SP4: variants seen among roughly 807,000 people sequenced by gnomAD.
The protein encoded by SP4 is transcription factor Sp4.
A neutral mutation model predicts 72.8 loss-of-function variants in SP4; 19 were observed. That is an observed-to-expected ratio of 0.26 (90% CI 0.18 to 0.38). The LOEUF is 0.38. Among genes scored for constraint, SP4 ranks in the 10% least tolerant of loss-of-function variants. The pLI is 1.00. For synonymous variants in SP4, 395 were observed against 333.1 expected, an observed-to-expected ratio of 1.19 and a Z score of -2.02; for missense variants, 1,008 against 926.3, an observed-to-expected ratio of 1.09 and a Z score of -1.14.
chr7:21,495,049 C>T (rs979615469), intron 5 of SP4, among the ~76,000 whole-genome samples: 2 of 152,148 alleles, frequency 1.3e-5, no homozygotes, highest in African/African-American at 4.8e-5. Flanking sequence ...AAACCTTTAA[C>T]CTACATATCT....
chr7:21,504,743 C>T (rs1386764810), intron 5 of SP4, among the ~76,000 whole-genome samples: 7 of 152,152 alleles, frequency 4.6e-5, no homozygotes, highest in Non-Finnish European at 1.0e-4. Flanking sequence ...CAAACTATCT[C>T]CCGGCTTTTG....
intron 5 of SP4, among the ~76,000 whole-genome samples, chr7:21,510,497 T>C (rs1782113515): frequency 6.6e-6 from 1 of 152,228 alleles, no homozygotes; most frequent in South Asian, 2.1e-4. Flanking sequence ...AAAAACTTTA[T>C]TAAATTCTGA....
In SP4 at chr7:21,430,495, GTTCAAC is replaced by G. The variant is rs773045711; in HGVS notation, c.1336_1341del (p.Leu446_Gln447del). 3 of 1,614,224 alleles carry G rather than the reference GTTCAAC, an allele frequency of 1.9e-6. No individual in the cohort carries two copies. Among genetic ancestry groups the G allele is most frequent in the East Asian group, 2.2e-5 (1 of 44,886 alleles). On this transcript the variant is annotated inframe_deletion, in exon 3 of 6. Transcript: ENST00000222584. ...CATCCAGCAGCAGCCTTTACAGAAT[GTTCAAC>G]TTCAAGCAGTAAATCCGACTCAGGT...
At chr7:21,478,018 G>GT (rs1279395086) in intron 4 of SP4, among the ~76,000 whole-genome samples, 1 of 152,118 alleles carries the variant, frequency 6.6e-6, no homozygotes, top group African/African-American at 2.4e-5. Flanking sequence ...AATAAATTCT[G>GT]TATCTTTTTT....
Position 21,428,698 on chromosome 7 carries a change from AGGAGGC to A in SP4, c.32_37del (p.Glu11_Ala12del). The A allele has an allele frequency of 6.4e-7, 1 of 1,554,370 alleles. No homozygotes were observed. On this transcript the variant is annotated inframe_deletion, in exon 2 of 6. Transcript: ENST00000222584. The stretch of plus-strand genomic sequence containing the variant: ...GCAGATCAGAAGAAGGAGGAGGAGG[AGGAGGC>A]GGCAGCGGCAGCGGCGATGGCTACA...
Position 21,430,826 on chromosome 7 carries a change from C to A in SP4, c.1661C>A (p.Thr554Lys), listed in dbSNP as rs377062747. The change falls in exon 3 of 6, where the codon ACA becomes AAA. Residue 554 changes from threonine to lysine, a missense_variant. Thr to Lys is a moderately conservative substitution (Grantham distance 78). Transcript: ENST00000222584. ...GTTCAAGTGCAGGGAGTTCCCGTTA[C>A]AATCACTAGTGTTGCAGGTAAGTTC... ...AGVQVQGVPV[T>K]ITSVAGQQQG... The A allele has an allele frequency of 3.7e-6, 6 of 1,611,112 alleles. No individual in the cohort carries two copies. The highest frequency in any genetic ancestry group is 3.3e-5 in the South Asian group (3 of 90,936).
chr7:21,474,697 A>G (rs1414202305), intron 3 of SP4, among the ~76,000 whole-genome samples: 1 of 152,212 alleles, frequency 6.6e-6, no homozygotes, highest in Admixed American at 6.5e-5. Context: ...ATTTTATGGA[A>G]GTCAGTGTTA....
In SP4 at chr7:21,430,859, T is replaced by A; in HGVS notation, c.1678+16T>A. ...AGTGTTGCAGGTAAGTTCTGACATC[T>A]TTTTAAGTACCTTTTAAATAGTTTT... On this transcript the variant is annotated intron_variant, in intron 3 of 5. Transcript: ENST00000222584. The A allele has an allele frequency of 6.5e-7, 1 of 1,540,508 alleles. No individual in the cohort carries two copies. The highest frequency in any genetic ancestry group is 8.9e-7 in the Non-Finnish European group (1 of 1,127,208).
intron 5 of SP4, among the ~76,000 whole-genome samples, chr7:21,495,583 C>T (rs932705676): frequency 7.9e-5 from 12 of 152,056 alleles, no homozygotes; most frequent in African/African-American, 2.9e-4. Context: ...AAGCAAGAAC[C>T]ATGAGAACAT....
intron 5 of SP4, among the ~76,000 whole-genome samples, chr7:21,510,703 A>G (rs972056812): frequency 1.3e-5 from 2 of 152,224 alleles, no homozygotes; most frequent in African/African-American, 2.4e-5. Flanking sequence ...TCTGATAGAG[A>G]TATTTTAAAT....
intron 3 of SP4, among the ~76,000 whole-genome samples, chr7:21,444,767 G>A (rs1783370291): frequency 6.6e-6 from 1 of 152,092 alleles, no homozygotes; most frequent in Admixed American, 6.5e-5. Flanking sequence ...TAATTTACTT[G>A]GCCAAGATCA....
rs995643156 is a variant in SP4 at position 21,512,968 on chromosome 7, A to C, written c.*1699A>C. The C allele has an allele frequency of 6.6e-6, 1 of 152,670 alleles. No homozygotes were observed. The highest frequency in any genetic ancestry group is 1.5e-5 in the Non-Finnish European group (1 of 68,046). 9.5% of individuals were successfully genotyped at this position (152,670 alleles called of 1,614,324 possible). ...ATAAGGATATTTTATGTTTTAAAAAAGTATTTACACAGAATCATAATCAGT... is the reference window on the plus strand; with the variant it reads ...ATAAGGATATTTTATGTTTTAAAAACGTATTTACACAGAATCATAATCAGT... On this transcript the variant is annotated 3_prime_UTR_variant, in exon 6 of 6. Transcript: ENST00000222584.
At chr7:21,498,930 A>G (rs1781794081) in intron 5 of SP4, among the ~76,000 whole-genome samples, 1 of 151,876 alleles carries the variant, frequency 6.6e-6, no homozygotes. Flanking sequence ...AAAAAATACA[A>G]AAATTAGCTG....
chr7:21,506,957 C>T (rs1018695010), intron 5 of SP4, among the ~76,000 whole-genome samples: 1 of 152,198 alleles, frequency 6.6e-6, no homozygotes, highest in African/African-American at 2.4e-5. Context: ...ATTATTATCC[C>T]ATTCAGGATT....
At position 21,430,846 on chromosome 7, in the gene SP4, A is replaced by G; in HGVS notation, c.1678+3A>G. 6.3e-7 allele frequency: 1 copy of G among 1,581,726 alleles called. No homozygotes were observed. The highest frequency in any genetic ancestry group is 8.6e-7 in the Non-Finnish European group (1 of 1,159,994). ...CGTTACAATCACTAGTGTTGCAGGTAAGTTCTGACATCTTTTTAAGTACCT... is the reference window on the plus strand; with the variant it reads ...CGTTACAATCACTAGTGTTGCAGGTGAGTTCTGACATCTTTTTAAGTACCT... On this transcript the variant is annotated splice_donor_region_variant and intron_variant, in intron 3 of 5. Coordinates refer to ENST00000222584, the MANE Select transcript of SP4 (RefSeq NM_003112.5).
intron 3 of SP4, 90 bp downstream of exon 3, chr7:21,430,933 C>G: frequency 1.1e-6 from 1 of 918,682 alleles, no homozygotes; most frequent in Non-Finnish European, 1.6e-6. Context: ...TTGACGTAGA[C>G]CTCTGAAGTA....
intron 5 of SP4, among the ~76,000 whole-genome samples, chr7:21,483,071 T>C (rs1237659471): frequency 2.0e-5 from 3 of 152,112 alleles, no homozygotes; most frequent in African/African-American, 7.2e-5. Flanking sequence ...TAACTAGCAG[T>C]GATTGATAGT....
chr7:21,470,992 A>G (rs942705479), intron 3 of SP4: 2 of 517,824 alleles, frequency 3.9e-6, no homozygotes, highest in Admixed American at 4.1e-5. Flanking sequence ...TGTAAGATGA[A>G]TAGACTTTTG....
At chr7:21,484,688 C>T (rs1784767732) in intron 5 of SP4, among the ~76,000 whole-genome samples, 1 of 151,724 alleles carries the variant, frequency 6.6e-6, no homozygotes, top group Non-Finnish European at 1.5e-5. Context: ...GCAGTGTTTC[C>T]ATCCTGGATT....
Sources: gnomAD v4.1 joint callset for allele counts (sites outside exome capture counted in the v4.1 genomes callset) on GRCh38, gnomAD v4.1.1 for gene constraint, MANE v1.5 for transcripts, NCBI Gene and HGNC (gene_info 2026-07-23, HGNC 2026-07-21) for gene names.